The following LRRC37B variants were observed in gnomAD, a reference collection of about 807,000 sequenced individuals.
The protein encoded by LRRC37B is leucine rich repeat containing 37B.
In LRRC37B, 28 loss-of-function variants were observed where a neutral mutation model predicts 98.3. The observed-to-expected ratio is 0.28, with a 90% CI of 0.21 to 0.39. The LOEUF is 0.39. LRRC37B is among the 10% of genes least tolerant of loss of function. The pLI, the probability that LRRC37B is intolerant of heterozygous loss-of-function variation, is 1.00. For synonymous variants in LRRC37B, 364 were observed against 442.7 expected, an observed-to-expected ratio of 0.82 and a Z score of 2.23; for missense variants, 938 against 1,182.7, an observed-to-expected ratio of 0.79 and a Z score of 3.03.
At chr17:32,017,632 A>C (rs1252155356), upstream of LRRC37B, among the ~76,000 whole-genome samples, 1 of 152,034 alleles carries the variant, frequency 6.6e-6, no homozygotes, top group South Asian at 2.1e-4. Flanking sequence ...AAGCAGGACC[A>C]TGTCTCTAAA....
rs553088945 is a variant in LRRC37B at position 32,021,854 on chromosome 17, C to G, written c.789C>G (p.Ser263Arg). Residue 263 changes from serine (S) to arginine (R), a missense_variant, in exon 1 of 12, where the codon AGC (serine) becomes AGG (arginine). Around this residue, in one of 2 missense-constraint regions of LRRC37B, gnomAD observed 610 missense variants for 625.6 expected, o/e 0.98. Transcript: ENST00000327564. ...GTATGGACACACTGTATCCCGGCAG[C>G]CTACCTCCAGAACTCCGGGTGAACG... The G allele has an allele frequency of 6.0e-5, 97 of 1,614,208 alleles. 1 individual carries two copies. In the South Asian group the frequency reaches 1.0e-3, roughly 17 times the overall value.
chr17:32,015,538 C>T (rs1910630259), intron 1 of LRRC37B, among the ~76,000 whole-genome samples: 1 of 152,092 alleles, frequency 6.6e-6, no homozygotes, highest in African/African-American at 2.4e-5. Context: ...ACACTTTTTC[C>T]TTCTAGAAAC....
chr17:32,026,341 C>T (rs140743720), intron 2 of LRRC37B, among the ~76,000 whole-genome samples: 7,036 of 152,216 alleles, frequency 0.046, 483 homozygotes, highest in African/African-American at 0.15. Context: ...ATGGTGAAAC[C>T]CCATCTCTAC....
In LRRC37B at chr17:32,034,848, A is replaced by C. The variant is rs896156331; in HGVS notation, c.2058-62A>C. 11 of 1,282,926 alleles carry C rather than the reference A, an allele frequency of 8.6e-6. No individual in the cohort carries two copies. The African/African-American group carries it at 1.0e-4, about 12-fold the overall frequency. 79.5% of individuals were successfully genotyped at this position (1,282,926 alleles called of 1,614,324 possible). A position where few individuals can be genotyped will look rare whatever the true frequency, so the allele number is the denominator to read the frequency against. The stretch of plus-strand genomic sequence containing the variant: ...GTTCCATACCAAAAAATGAATATAG[A>C]CTTTTTATGCAGTTTCACACATTGA... On this transcript the variant is annotated intron_variant, in intron 5 of 11. Transcript: ENST00000327564.
At chr17:32,012,493 G>C (rs1213110662) in intron 1 of LRRC37B, among the ~76,000 whole-genome samples, 1 of 142,742 alleles carries the variant, frequency 7.0e-6, no homozygotes, top group Non-Finnish European at 1.5e-5. Context: ...AAGGCGGGTG[G>C]ATCACCTGAG....
At chr17:32,011,492 T>C (rs1910525707) in intron 1 of LRRC37B, among the ~76,000 whole-genome samples, 1 of 145,970 alleles carries the variant, frequency 6.9e-6, no homozygotes, top group African/African-American at 2.6e-5. Context: ...ACCATTGTGC[T>C]CCTTTATGCA....
chr17:32,033,970 C>T (rs1434945710), intron 5 of LRRC37B: 1 of 152,088 alleles, frequency 6.6e-6, no homozygotes, highest in African/African-American at 2.4e-5. Flanking sequence ...TGGTCTCTGC[C>T]CTCAAGGAGC....
chr17:32,016,364 C>T (rs148991619), upstream of LRRC37B, among the ~76,000 whole-genome samples: 12 of 152,284 alleles, frequency 7.9e-5, no homozygotes, highest in South Asian at 2.1e-4. Flanking sequence ...TTTGGTTCTC[C>T]GTTTTTCTTC....
exon 1 of LRRC37B, chr17:32,021,024 C>A: frequency 6.3e-7 from 1 of 1,581,368 alleles, no homozygotes; most frequent in Non-Finnish European, 8.6e-7. Flanking sequence ...GGACCCAAGC[C>A]TAATAAAGGT....
chr17:32,047,575 G>A (rs1911622591), intron 8 of LRRC37B, 186 bp from the exon 12 acceptor site: 1 of 782,064 alleles, frequency 1.3e-6, no homozygotes, highest in Non-Finnish European at 2.0e-6. Flanking sequence ...AGGTGGCCAT[G>A]TCTTTTCCTC....
chr17:32,021,640 G>T, exon 1 of LRRC37B: 1 of 1,614,216 alleles, frequency 6.2e-7, no homozygotes, highest in South Asian at 1.1e-5. Flanking sequence ...CGGGCTGCAG[G>T]TCATCAGGCA....
At chr17:32,039,650 C>T (rs2142255664) in intron 7 of LRRC37B, among the ~76,000 whole-genome samples, 1 of 143,786 alleles carries the variant, frequency 7.0e-6, no homozygotes, top group East Asian at 2.0e-4. Context: ...GTTTGTTACA[C>T]AACTTACTGC....
chr17:32,046,607 T>C (rs1435575901), intron 8 of LRRC37B, among the ~76,000 whole-genome samples: 9 of 151,154 alleles, frequency 6.0e-5, no homozygotes, highest in South Asian at 2.1e-4. Context: ...TTCTTTTTTT[T>C]TTTTTTTTTT....
chr17:32,007,616 C>T (rs1910438055), upstream of LRRC37B, among the ~76,000 whole-genome samples: 1 of 151,626 alleles, frequency 6.6e-6, no homozygotes, highest in Admixed American at 6.6e-5. This position sits in a 1 kb window ranked among gnomAD's most constrained non-coding sequence, Gnocchi z 4.1. Flanking sequence ...CAAGAGGGGC[C>T]GGCGGGGCAG....
At chr17:32,007,460 GC>G (rs1171158414), upstream of LRRC37B, among the ~76,000 whole-genome samples, 2 of 152,116 alleles carry the variant, frequency 1.3e-5, no homozygotes, top group African/African-American at 4.8e-5. This position sits in a 1 kb window ranked among gnomAD's most constrained non-coding sequence, Gnocchi z 4.1. Context: ...ATTCGGTTGA[GC>G]CTTCTCCCTC....
rs565545298 is a variant in LRRC37B, at chr17:32,037,301, C to T, written c.2204+1662C>T. On this transcript the variant is annotated intron_variant, in intron 7 of 11. Coordinates refer to ENST00000327564, the Ensembl canonical transcript of LRRC37B. ...CAGCCCAGCAGATATTTTTTTGAGA[C>T]AGAGTCATTGCTGAAGTGCAGCAGC... Among the ~76,000 whole-genome samples, 5 of 148,536 alleles carry T rather than the reference C, an allele frequency of 3.4e-5. No individual in the cohort carries two copies. The East Asian group carries it at 8.1e-4, about 24-fold the overall frequency.
chr17:32,046,373 C>T (rs1334886284), intron 8 of LRRC37B, among the ~76,000 whole-genome samples: 1 of 152,224 alleles, frequency 6.6e-6, no homozygotes, highest in African/African-American at 2.4e-5. Flanking sequence ...GTCCATCCAA[C>T]TCTGAACTTG....
chr17:32,037,833 CAT>C (rs1414315038), intron 7 of LRRC37B, among the ~76,000 whole-genome samples: 10 of 152,040 alleles, frequency 6.6e-5, no homozygotes, highest in Non-Finnish European at 1.2e-4. Context: ...TTAGGCCAGG[CAT>C]GGTGGCTCAT....
At chr17:32,018,431 GA>G (rs1230114939), upstream of LRRC37B, among the ~76,000 whole-genome samples, 1 of 152,192 alleles carries the variant, frequency 6.6e-6, no homozygotes, top group East Asian at 1.9e-4. Flanking sequence ...TCATTCTCAG[GA>G]AAATGTGAAA....
Sources: gnomAD v4.1 joint callset for allele counts (sites outside exome capture counted in the v4.1 genomes callset) on GRCh38, gnomAD v4.1.1 for gene constraint, gnomAD v4.1.1 regional missense constraint, Gnocchi (gnomAD v3.1) non-coding constraint, MANE v1.5 for transcripts, NCBI Gene and HGNC (gene_info 2026-07-23, HGNC 2026-07-21) for gene names.